TCERG1L: variants seen among roughly 807,000 people sequenced by gnomAD.
TCERG1L encodes the protein transcription elongation regulator 1 like.
Under a neutral mutation model 56.3 loss-of-function variants are expected in TCERG1L, and 37 were observed. The ratio of observed to expected loss-of-function variants is 0.66; its 90% CI spans 0.51 to 0.87. TCERG1L has a LOEUF of 0.87. Among genes scored for constraint, TCERG1L ranks in the 40% least tolerant of loss-of-function variants. TCERG1L has a pLI of 0.00. For missense variants in TCERG1L, 799 were observed against 774.2 expected, an observed-to-expected ratio of 1.03 and a Z score of -0.38; for synonymous variants, 324 against 326.3, an observed-to-expected ratio of 0.99 and a Z score of 0.08.
chr10:131,286,166 G>A (rs1024973346), intron 3 of TCERG1L, among the ~76,000 whole-genome samples: 2 of 152,220 alleles, frequency 1.3e-5, no homozygotes, highest in African/African-American at 4.8e-5. Context: ...TAAAACAGAA[G>A]AAATACTTGG....
chr10:131,153,129 C>T (rs1330526396), intron 6 of TCERG1L, among the ~76,000 whole-genome samples: 4 of 152,126 alleles, frequency 2.6e-5, no homozygotes, highest in Non-Finnish European at 4.4e-5. Flanking sequence ...GGAAGAGGAG[C>T]AGCAGAGTTG....
intron 4 of TCERG1L, among the ~76,000 whole-genome samples, chr10:131,201,741 G>C (rs1845438137): frequency 6.6e-6 from 1 of 152,104 alleles, no homozygotes; most frequent in Admixed American, 6.6e-5. Flanking sequence ...GCATTCTGTG[G>C]GATGTCCTCA....
At chr10:131,287,371 T>C (rs1846557297) in intron 3 of TCERG1L, among the ~76,000 whole-genome samples, 1 of 152,224 alleles carries the variant, frequency 6.6e-6, no homozygotes, top group African/African-American at 2.4e-5. Flanking sequence ...CATTATTTTG[T>C]GGCTTGTCGC....
chr10:131,124,420 G>A (rs544039803), intron 8 of TCERG1L, among the ~76,000 whole-genome samples: 114 of 152,318 alleles, frequency 7.5e-4, no homozygotes, highest in African/African-American at 2.0e-3. Flanking sequence ...CCTTCGGAGC[G>A]ATGCTTCTGG....
chr10:131,097,200 CAAAAAAAAAAA>C (rs1161006867), intron 11 of TCERG1L, among the ~76,000 whole-genome samples: 1 of 91,052 alleles, frequency 1.1e-5, no homozygotes, highest in South Asian at 3.8e-4. Context: ...GGGTCTGTCT[CAAAAAAAAAAA>C]AAAAAAAAAA....
intron 3 of TCERG1L, among the ~76,000 whole-genome samples, chr10:131,274,807 C>T (rs908031860): frequency 1.3e-5 from 2 of 152,140 alleles, no homozygotes; most frequent in African/African-American, 4.8e-5. Flanking sequence ...TTGGCATCAC[C>T]GCTTCGCTTA....
chr10:131,310,779 C>A (rs1365455335), intron 1 of TCERG1L, among the ~76,000 whole-genome samples: 6 of 152,130 alleles, frequency 3.9e-5, no homozygotes, highest in African/African-American at 1.4e-4. Context: ...CCACTTCCGT[C>A]GGTTGGAATT....
intron 3 of TCERG1L, among the ~76,000 whole-genome samples, chr10:131,262,157 A>T (rs1846242848): frequency 6.6e-6 from 1 of 152,130 alleles, no homozygotes; most frequent in Non-Finnish European, 1.5e-5. Context: ...GAGCCACAGG[A>T]GGGAGCGGAG....
chr10:131,135,739 G>A (rs918336492), intron 7 of TCERG1L, among the ~76,000 whole-genome samples: 5 of 152,196 alleles, frequency 3.3e-5, no homozygotes, highest in Admixed American at 1.3e-4. Context: ...GGACCGGGGT[G>A]CAATGTATCT....
chr10:131,240,879 G>C (rs1845964328), intron 4 of TCERG1L, among the ~76,000 whole-genome samples: 4 of 152,198 alleles, frequency 2.6e-5, no homozygotes. Context: ...TGGAGAAACC[G>C]GCGTGCAGGT....
chr10:131,154,312 A>G (rs1314250136), intron 6 of TCERG1L, among the ~76,000 whole-genome samples: 1 of 152,132 alleles, frequency 6.6e-6, no homozygotes, highest in East Asian at 1.9e-4. Context: ...CATCCTGCAA[A>G]TAGCAGGACC....
intron 4 of TCERG1L, among the ~76,000 whole-genome samples, chr10:131,231,522 C>T (rs377236036): frequency 6.6e-6 from 1 of 152,074 alleles, no homozygotes. Context: ...GTGGCTCTGC[C>T]GAATCCTTCT....
chr10:131,231,439 G>A (rs1044378054), intron 4 of TCERG1L, among the ~76,000 whole-genome samples: 2 of 152,200 alleles, frequency 1.3e-5, no homozygotes, highest in Non-Finnish European at 2.9e-5. Flanking sequence ...AGAAATGACT[G>A]AGACTCCAAG....
In TCERG1L at chr10:131,309,208, G is replaced by A; in HGVS notation, c.434C>T (p.Ala145Val). 6.2e-7 allele frequency: 1 copy of A among 1,610,812 alleles called. No individual in the cohort carries two copies. Among genetic ancestry groups the A allele is most frequent in the Non-Finnish European group, 8.5e-7 (1 of 1,178,842 alleles). Reference sequence around the variant, plus strand: ...ACTTTTCCCAATAGGGGTTGCAAGAGCAGAAGGGCAGAGATGTGGGAAGAC... The same window carrying A: ...ACTTTTCCCAATAGGGGTTGCAAGAACAGAAGGGCAGAGATGTGGGAAGAC... Reference protein sequence around the residue: ...VPVFPHLCPSALATPIGKSWI... With the variant: ...VPVFPHLCPSVLATPIGKSWI... Residue 145 changes from alanine (A) to valine (V), a missense_variant, in exon 2 of 12, where the codon GCT becomes GTT. Coordinates refer to ENST00000368642, the MANE Select transcript of TCERG1L (RefSeq NM_174937.4).
intron 4 of TCERG1L, among the ~76,000 whole-genome samples, chr10:131,239,089 T>A (rs1028869495): frequency 6.6e-5 from 10 of 152,130 alleles, no homozygotes; most frequent in African/African-American, 2.4e-4. Context: ...GAGAGCCCAT[T>A]TGAGGCTGCT....
chr10:131,276,715 A>G (rs998656651), intron 3 of TCERG1L, among the ~76,000 whole-genome samples: 1 of 152,176 alleles, frequency 6.6e-6, no homozygotes, highest in Admixed American at 6.5e-5. Flanking sequence ...GCTTTTCTCT[A>G]CACCACCTGC....
chr10:131,239,410 C>CA (rs753382598), intron 4 of TCERG1L, among the ~76,000 whole-genome samples: 5 of 152,028 alleles, frequency 3.3e-5, no homozygotes, highest in Non-Finnish European at 7.4e-5. Flanking sequence ...AAAGGCATGT[C>CA]AAAAAAAGAA....
chr10:131,214,598 C>G (rs1326473960), intron 4 of TCERG1L, among the ~76,000 whole-genome samples: 1 of 152,234 alleles, frequency 6.6e-6, no homozygotes, highest in Admixed American at 6.5e-5. Context: ...CCCACAATGC[C>G]TGACACCCAG....
At chr10:131,148,371 G>T (rs200112485) in intron 6 of TCERG1L, among the ~76,000 whole-genome samples, 1,962 of 71,586 alleles carry the variant, frequency 0.027, 23 homozygotes, top group Non-Finnish European at 0.054. Flanking sequence ...CATGCACACA[G>T]ACATAGAGAC....
Sources: gnomAD v4.1 joint callset for allele counts (sites outside exome capture counted in the v4.1 genomes callset) on GRCh38, gnomAD v4.1.1 for gene constraint, MANE v1.5 for transcripts, NCBI Gene and HGNC (gene_info 2026-07-23, HGNC 2026-07-21) for gene names.